ARHGAP24: variants seen among roughly 807,000 people sequenced by gnomAD.
ARHGAP24 encodes the protein Rho GTPase activating protein 24.
A neutral mutation model predicts 76.4 loss-of-function variants in ARHGAP24; 50 were observed. That is an observed-to-expected ratio of 0.65 (90% CI 0.52 to 0.83). The LOEUF is 0.83. Ranked by LOEUF, ARHGAP24 falls within the 40% of genes least tolerant of loss-of-function variation. The probability of loss-of-function intolerance (pLI) is 0.00; values close to 1 mark genes in which losing one functional copy is unlikely to be tolerated. For missense variants in ARHGAP24, 930 were observed against 914.2 expected (o/e 1.02, Z -0.22); for synonymous variants, 345 against 323.3 (o/e 1.07, Z -0.72).
intron 3 of ARHGAP24, among the ~76,000 whole-genome samples, chr4:85,793,950 G>A (rs1250115496): frequency 6.6e-6 from 1 of 152,154 alleles, no homozygotes; most frequent in Non-Finnish European, 1.5e-5. Flanking sequence ...AAAGTTTTGT[G>A]ATTTATTTAA....
At chr4:85,826,594 C>T (rs1729722382) in intron 3 of ARHGAP24, among the ~76,000 whole-genome samples, 1 of 152,132 alleles carries the variant, frequency 6.6e-6, no homozygotes, top group Admixed American at 6.5e-5. Flanking sequence ...ATTTACTAGT[C>T]CCAGTACTCA....
At chr4:85,534,355 A>G (rs893814562) in intron 1 of ARHGAP24, among the ~76,000 whole-genome samples, 7 of 152,298 alleles carry the variant, frequency 4.6e-5, no homozygotes, top group African/African-American at 1.4e-4. Flanking sequence ...TTACTAACTG[A>G]AAGATTGTAA....
intron 2 of ARHGAP24, among the ~76,000 whole-genome samples, chr4:85,640,211 G>C (rs1379337391): frequency 6.6e-6 from 1 of 152,134 alleles, no homozygotes; most frequent in Non-Finnish European, 1.5e-5. Context: ...ATTAATAGGA[G>C]AGTCCCAATG....
intron 2 of ARHGAP24, among the ~76,000 whole-genome samples, chr4:85,685,149 T>C (rs1336477835): frequency 6.6e-6 from 1 of 152,210 alleles, no homozygotes; most frequent in Non-Finnish European, 1.5e-5. Flanking sequence ...TATATGCAGA[T>C]AAAAGAAACC....
chr4:85,930,265 A>T (rs1295709381), intron 4 of ARHGAP24: 1 of 985,520 alleles, frequency 1.0e-6, no homozygotes, highest in Non-Finnish European at 1.2e-6. Context: ...TGACGTTGTG[A>T]TTCTCTCGGG....
intron 2 of ARHGAP24, among the ~76,000 whole-genome samples, chr4:85,638,421 G>A (rs1721401487): frequency 1.3e-5 from 2 of 152,100 alleles, no homozygotes. Context: ...AAACTAAAGG[G>A]ATGCATTCTT....
chr4:85,637,394 T>C (rs1721345453), intron 2 of ARHGAP24, among the ~76,000 whole-genome samples: 1 of 152,068 alleles, frequency 6.6e-6, no homozygotes, highest in South Asian at 2.1e-4. Flanking sequence ...AGAATAGGTG[T>C]TTTAGGTTAA....
chr4:85,886,016 T>C (rs1318635971), intron 3 of ARHGAP24, among the ~76,000 whole-genome samples: 1 of 152,198 alleles, frequency 6.6e-6, no homozygotes, highest in Non-Finnish European at 1.5e-5. Context: ...AGTCACAACA[T>C]TGCTATTCTA....
At chr4:85,573,398 C>A (rs541508231) in intron 2 of ARHGAP24, among the ~76,000 whole-genome samples, 62 of 152,170 alleles carry the variant, frequency 4.1e-4, no homozygotes, top group African/African-American at 1.4e-3. Flanking sequence ...TTAAAATAGA[C>A]CAAGTGAGAG....
chr4:85,615,254 C>G (rs951301784), intron 2 of ARHGAP24, among the ~76,000 whole-genome samples: 1 of 151,890 alleles, frequency 6.6e-6, no homozygotes, highest in Admixed American at 6.6e-5. Context: ...TGTTTTTCTA[C>G]CCTACTTTTC....
chr4:85,627,596 A>G (rs1721007755), intron 2 of ARHGAP24, among the ~76,000 whole-genome samples: 1 of 152,124 alleles, frequency 6.6e-6, no homozygotes. Context: ...ACTCTCTTCA[A>G]AGCTGTCAGA....
chr4:85,611,749 G>T (rs1335067093), intron 2 of ARHGAP24, among the ~76,000 whole-genome samples: 1 of 152,174 alleles, frequency 6.6e-6, no homozygotes, highest in Non-Finnish European at 1.5e-5. Context: ...TTGAGTCTAT[G>T]GCAAATGTCT....
chr4:85,499,300 C>T (rs967540635), intron 1 of ARHGAP24, among the ~76,000 whole-genome samples: 3 of 152,154 alleles, frequency 2.0e-5, no homozygotes, highest in Non-Finnish European at 4.4e-5. Context: ...ATTAGAATTT[C>T]AAGCCTCTAG....
intron 1 of ARHGAP24, among the ~76,000 whole-genome samples, chr4:85,560,041 G>GT (rs1216693834): frequency 6.6e-6 from 1 of 152,098 alleles, no homozygotes; most frequent in Non-Finnish European, 1.5e-5. Flanking sequence ...GCATCTGGGG[G>GT]TGAACACAGG....
chr4:85,818,236 A>G (rs59592357), intron 3 of ARHGAP24, among the ~76,000 whole-genome samples: 1 of 152,286 alleles, frequency 6.6e-6, no homozygotes, highest in East Asian at 1.9e-4. Flanking sequence ...CTGGTTCCAC[A>G]AAGACCGGTT....
At chr4:85,705,299 A>G (rs1724271045) in intron 2 of ARHGAP24, among the ~76,000 whole-genome samples, 1 of 152,186 alleles carries the variant, frequency 6.6e-6, no homozygotes, top group African/African-American at 2.4e-5. Flanking sequence ...CAGATACTAT[A>G]TTTTAAATTT....
intron 1 of ARHGAP24, among the ~76,000 whole-genome samples, chr4:85,540,944 C>T (rs1191260229): frequency 8.1e-6 from 1 of 123,074 alleles, no homozygotes; most frequent in Non-Finnish European, 1.5e-5. Flanking sequence ...TGTTACTGTG[C>T]AGTTTACTAA....
In ARHGAP24 at chr4:85,961,892, C is replaced by T. The variant is rs946382806; in HGVS notation, c.600-10144C>T. ...TTGGTTACATAATCTAAAGTCTCTC[C>T]GATTATGAGAAAAATTGTTGAATGT... On this transcript the variant is annotated intron_variant, in intron 5 of 9. Transcript: ENST00000395184. Among the ~76,000 whole-genome samples the T allele has an allele frequency of 4.6e-5, 7 of 152,016 alleles. No homozygotes were observed. The East Asian group carries it at 5.8e-4, about 13-fold the overall frequency.
intron 3 of ARHGAP24, among the ~76,000 whole-genome samples, chr4:85,725,648 G>A (rs1560603350): frequency 1.3e-5 from 2 of 152,168 alleles, no homozygotes; most frequent in Non-Finnish European, 2.9e-5. Context: ...ATGCATTTGT[G>A]GATTTTTCAG....
Sources: allele counts gnomAD v4.1 joint callset (sites outside exome capture counted in the v4.1 genomes callset), GRCh38; gene constraint gnomAD v4.1.1; transcripts MANE v1.5; gene names NCBI Gene and HGNC (gene_info 2026-07-23, HGNC 2026-07-21).